Variants in TSC22D1 observed in about 807,000 individuals in gnomAD.
TSC22D1 encodes TSC22 domain family member 1, also known as TSC22 domain family protein 1.
Under a neutral mutation model 74.2 loss-of-function variants are expected in TSC22D1, and 9 were observed. The ratio of observed to expected loss-of-function variants is 0.12; its 90% CI spans 0.07 to 0.21. TSC22D1 has a LOEUF of 0.21. Among genes scored for constraint, TSC22D1 ranks in the 10% least tolerant of loss-of-function variants. The probability of loss-of-function intolerance (pLI) is 1.00; values close to 1 mark genes in which losing one functional copy is unlikely to be tolerated. For missense variants in TSC22D1, 1,427 were observed against 1,304.7 expected (o/e 1.09, Z -1.44); for synonymous variants, 586 against 492.5 (o/e 1.19, Z -2.51).
At chr13:44,535,842 A>G (rs1881104467) in intron 1 of TSC22D1, among the ~76,000 whole-genome samples, 1 of 151,944 alleles carries the variant, frequency 6.6e-6, no homozygotes, top group African/African-American at 2.4e-5. Context: ...TTTAAAAATT[A>G]CTTTTTAAAA....
intron 1 of TSC22D1, among the ~76,000 whole-genome samples, chr13:44,527,266 G>T (rs1420569235): frequency 1.3e-5 from 2 of 151,762 alleles, no homozygotes; most frequent in African/African-American, 4.8e-5. Context: ...AAAACAAAAC[G>T]TTTATTTTAA....
chr13:44,572,561 A>T (rs1377719684), intron 1 of TSC22D1, among the ~76,000 whole-genome samples: 1 of 152,204 alleles, frequency 6.6e-6, no homozygotes, highest in Admixed American at 6.5e-5. Flanking sequence ...CTTTCCCACA[A>T]AATAAGATTC....
Position 44,522,929 on chromosome 13 carries a change from A to T in TSC22D1, c.2912+50234T>A, listed in dbSNP as rs549017078. On this transcript the variant is annotated intron_variant, in intron 1 of 2. Coordinates refer to ENST00000458659, the MANE Select transcript of TSC22D1 (RefSeq NM_183422.4). ...AAAATATTTGTCAAACACATCTTAT[A>T]AAGGACTGGTATCTAAAATATACCA... 2.6e-5 allele frequency among the ~76,000 whole-genome samples: 4 copies of T among 152,214 alleles called. No individual in the cohort carries two copies. The East Asian group carries it at 7.7e-4, about 29-fold the overall frequency.
intron 1 of TSC22D1, among the ~76,000 whole-genome samples, chr13:44,455,919 A>C (rs888477752): frequency 1.1e-4 from 17 of 151,842 alleles, no homozygotes; most frequent in African/African-American, 3.9e-4. Flanking sequence ...GTAATTCATC[A>C]AGTTGAAACC....
At chr13:44,546,780 A>G (rs74338942) in intron 1 of TSC22D1, among the ~76,000 whole-genome samples, 48 of 121,408 alleles carry the variant, frequency 4.0e-4, no homozygotes, top group South Asian at 1.5e-3. Flanking sequence ...GTGTGTAGGT[A>G]TGTATGTATG....
Position 44,434,392 on chromosome 13 carries a change from G to A in TSC22D1, c.*234C>T. On this transcript the variant is annotated 3_prime_UTR_variant, in exon 3 of 3. Coordinates refer to ENST00000458659, the MANE Select transcript of TSC22D1 (RefSeq NM_183422.4). ...ATCTGCCAAGCTGCATGAGGTCCCG[G>A]TATATCCATGCTAATTCTCGGATTA... The A allele has an allele frequency of 7.3e-7, 1 of 1,372,384 alleles. No homozygotes were observed. Among genetic ancestry groups the A allele is most frequent in the Admixed American group, 3.6e-5 (1 of 27,784 alleles). 85.0% of individuals were successfully genotyped at this position (1,372,384 alleles called of 1,614,324 possible). A position where few individuals can be genotyped will look rare whatever the true frequency, so the allele number is the denominator to read the frequency against.
rs1418344384 is a variant in TSC22D1 at position 44,575,836 on chromosome 13, G to A, written c.239C>T (p.Pro80Leu). 2 of 1,614,000 alleles carry A rather than the reference G, an allele frequency of 1.2e-6. No individual in the cohort carries two copies. Among genetic ancestry groups the A allele is most frequent in the Non-Finnish European group, 8.5e-7 (1 of 1,179,970 alleles). ...AASSTSGPQPPPPQSLNLLSQ... is the reference protein window; with the variant it reads ...AASSTSGPQPLPPQSLNLLSQ... ...AAGGAGGTTCAGGCTTTGTGGAGGC[G>A]GAGGCTGTGGTCCCGACGTAGAAGA... Residue 80 changes from proline to leucine, a missense_variant, in exon 1 of 3, where the codon CCG becomes CTG. This residue lies in a region of TSC22D1 where 1,343 missense variants were observed against 1,191.5 expected (regional missense o/e 1.13). Coordinates refer to ENST00000458659, the MANE Select transcript of TSC22D1 (RefSeq NM_183422.4).
intron 1 of TSC22D1, among the ~76,000 whole-genome samples, chr13:44,443,050 T>G (rs1473178810): frequency 4.3e-5 from 6 of 139,996 alleles, no homozygotes; most frequent in Non-Finnish European, 9.3e-5. Flanking sequence ...AGAGAAAACA[T>G]TTTAAGAAAT....
At chr13:44,518,557 C>A (rs1219645132) in intron 1 of TSC22D1, among the ~76,000 whole-genome samples, 1 of 152,106 alleles carries the variant, frequency 6.6e-6, no homozygotes, top group Non-Finnish European at 1.5e-5. Flanking sequence ...ATTTAATTAA[C>A]ATGCAAATTA....
chr13:44,562,180 C>G (rs757554959), intron 1 of TSC22D1, among the ~76,000 whole-genome samples: 2 of 152,136 alleles, frequency 1.3e-5, no homozygotes, highest in Non-Finnish European at 2.9e-5. Flanking sequence ...GCTGGGACAA[C>G]AGGCGTGCAC....
Position 44,449,423 on chromosome 13 carries a change from G to A in TSC22D1, c.2913-13328C>T, listed in dbSNP as rs564363159. ...AGAGCTGTGAGAAGACGAGTTAGAGGAAGTCCAAGGGGATCAAAGAAAATG... is the reference window on the plus strand; with the variant it reads ...AGAGCTGTGAGAAGACGAGTTAGAGAAAGTCCAAGGGGATCAAAGAAAATG... On this transcript the variant is annotated intron_variant, in intron 1 of 2. Coordinates refer to ENST00000458659, the MANE Select transcript of TSC22D1 (RefSeq NM_183422.4). 2.6e-5 allele frequency among the ~76,000 whole-genome samples: 4 copies of A among 152,362 alleles called. No homozygotes were observed. In the South Asian group the frequency reaches 6.2e-4, roughly 24 times the overall value.
At chr13:44,564,881 T>C (rs1883268683) in intron 1 of TSC22D1, among the ~76,000 whole-genome samples, 1 of 152,040 alleles carries the variant, frequency 6.6e-6, no homozygotes, top group Non-Finnish European at 1.5e-5. Context: ...GAAGATATAT[T>C]TTAAAGTAAT....
At chr13:44,530,042 C>T (rs1880747373) in intron 1 of TSC22D1, among the ~76,000 whole-genome samples, 1 of 152,036 alleles carries the variant, frequency 6.6e-6, no homozygotes, top group Non-Finnish European at 1.5e-5. Context: ...AAAATCCTGG[C>T]ATGGTGGATA....
At chr13:44,536,926 G>GGAAAA in intron 1 of TSC22D1, 1 of 493,384 alleles carries the variant, frequency 2.0e-6, no homozygotes, top group Non-Finnish European at 2.3e-6. Flanking sequence ...GTATTTTTCT[G>GGAAAA]AAAAAAAAAA....
At chr13:44,538,959 C>A in intron 1 of TSC22D1, 1 of 985,350 alleles carries the variant, frequency 1.0e-6, no homozygotes, top group Non-Finnish European at 1.2e-6. Flanking sequence ...AGGAATCCAC[C>A]AAGGAAAAAT....
intron 1 of TSC22D1, among the ~76,000 whole-genome samples, chr13:44,509,950 C>CAAAAAAAAAAAAAAACAAAA (rs1879616515): frequency 1.9e-5 from 1 of 51,426 alleles, no homozygotes; most frequent in African/African-American, 7.5e-5. Context: ...AGAAAATAAG[C>CAAAAAAAAAAAAAAACAAAA]AAAAAAAAAA....
intron 1 of TSC22D1, among the ~76,000 whole-genome samples, chr13:44,560,369 T>C (rs1294829050): frequency 1.3e-5 from 2 of 152,202 alleles, no homozygotes; most frequent in Non-Finnish European, 2.9e-5. Flanking sequence ...GTCTACAAAA[T>C]ACCTTATGCA....
rs373846132 is a variant in TSC22D1, at chr13:44,437,871, A to G, written c.2913-1776T>C. On this transcript the variant is annotated intron_variant, in intron 1 of 2. Transcript: ENST00000458659. ...TCCAGAACCAGAAAAGGGAGGATAT[A>G]ATGGTGGTTAAAAATAGTTAAGCAG... is the stretch of plus-strand genomic sequence containing the variant. Among the ~76,000 whole-genome samples, 21 of 152,314 alleles carry G rather than the reference A, an allele frequency of 1.4e-4. No individual in the cohort carries two copies. In the East Asian group the frequency reaches 2.3e-3, roughly 17 times the overall value.
intron 1 of TSC22D1, among the ~76,000 whole-genome samples, chr13:44,572,592 T>C (rs1305018764): frequency 6.6e-6 from 1 of 152,232 alleles, no homozygotes; most frequent in African/African-American, 2.4e-5. Flanking sequence ...ACTGTTCAGA[T>C]AAAATGACCA....
Sources: gnomAD v4.1 joint callset for allele counts (sites outside exome capture counted in the v4.1 genomes callset) on GRCh38, gnomAD v4.1.1 for gene constraint, gnomAD v4.1.1 regional missense constraint, MANE v1.5 for transcripts, NCBI Gene and HGNC (gene_info 2026-07-23, HGNC 2026-07-21) for gene names.